The following NTN1 variants were observed in gnomAD, a reference collection of about 807,000 sequenced individuals.
The protein encoded by NTN1 is netrin 1.
A neutral mutation model predicts 54.2 loss-of-function variants in NTN1; 11 were observed. The observed-to-expected ratio is 0.20, with a 90% CI of 0.13 to 0.34. The LOEUF (loss-of-function observed/expected upper bound fraction) is 0.34. Ranked by LOEUF, NTN1 falls within the 10% of genes least tolerant of loss-of-function variation. The pLI is 1.00. For missense variants in NTN1, 740 were observed against 893.1 expected, an observed-to-expected ratio of 0.83 and a Z score of 2.18; for synonymous variants, 371 against 382.0, an observed-to-expected ratio of 0.97 and a Z score of 0.33.
At chr17:9,028,767 T>C (rs2091879559) in intron 2 of NTN1, among the ~76,000 whole-genome samples, 1 of 152,242 alleles carries the variant, frequency 6.6e-6, no homozygotes, top group Non-Finnish European at 1.5e-5. Flanking sequence ...TAGACTTTCA[T>C]GTTTACACTT....
chr17:9,120,650 T>C (rs1203465131), intron 2 of NTN1, among the ~76,000 whole-genome samples: 3 of 152,204 alleles, frequency 2.0e-5, no homozygotes, highest in Non-Finnish European at 4.4e-5. Context: ...ATCTGGATTC[T>C]GTTCATCTGC....
chr17:9,224,492 GC>G (rs1244236444), intron 6 of NTN1, among the ~76,000 whole-genome samples: 4 of 152,340 alleles, frequency 2.6e-5, no homozygotes, highest in Admixed American at 6.5e-5. Context: ...AAAGCAGGTA[GC>G]AGGGACAGCG....
intron 2 of NTN1, among the ~76,000 whole-genome samples, chr17:9,114,546 A>G (rs940234525): frequency 1.3e-5 from 2 of 151,968 alleles, no homozygotes; most frequent in African/African-American, 4.8e-5. Flanking sequence ...TGAGGTCAGG[A>G]GTTCGAGACC....
At chr17:9,218,010 G>C (rs1193774838) in intron 5 of NTN1, among the ~76,000 whole-genome samples, 1 of 152,182 alleles carries the variant, frequency 6.6e-6, no homozygotes, top group Non-Finnish European at 1.5e-5. Context: ...GCCACACTGG[G>C]TGCTCTGTGC....
intron 2 of NTN1, among the ~76,000 whole-genome samples, chr17:9,102,436 T>C (rs4791782): frequency 0.8 from 121,841 of 152,148 alleles, 49,369 homozygotes; most frequent in East Asian, 0.96. Flanking sequence ...AGGACCAGGA[T>C]TGGGGAAACT....
At chr17:9,217,336 G>T (rs981127162) in intron 5 of NTN1, among the ~76,000 whole-genome samples, 1 of 152,284 alleles carries the variant, frequency 6.6e-6, no homozygotes, top group Non-Finnish European at 1.5e-5. Context: ...TCCCAGCGTT[G>T]GGTCATCATC....
chr17:9,033,969 G>A (rs1242966108), intron 2 of NTN1, among the ~76,000 whole-genome samples: 2 of 151,594 alleles, frequency 1.3e-5, no homozygotes, highest in Non-Finnish European at 2.9e-5. Context: ...TAGTTACTTA[G>A]TTTTAAGTCA....
intron 5 of NTN1, among the ~76,000 whole-genome samples, chr17:9,202,934 T>C (rs1904844566): frequency 6.6e-6 from 1 of 152,146 alleles, no homozygotes; most frequent in East Asian, 1.9e-4. Context: ...TATTTTTTAT[T>C]TTTTTGAGAT....
At chr17:9,159,887 CACT>C (rs2092352634) in intron 2 of NTN1, among the ~76,000 whole-genome samples, 2 of 152,044 alleles carry the variant, frequency 1.3e-5, no homozygotes, top group Non-Finnish European at 2.9e-5. Flanking sequence ...GAGAAATTTG[CACT>C]ACAACAGTCA....
At chr17:9,201,582 A>G (rs1209815493) in intron 5 of NTN1, among the ~76,000 whole-genome samples, 2 of 152,196 alleles carry the variant, frequency 1.3e-5, no homozygotes, top group Admixed American at 1.3e-4. Flanking sequence ...TCTCACACAT[A>G]TGGCCTCCCT....
At chr17:9,137,067 C>T (rs115401653) in intron 2 of NTN1, among the ~76,000 whole-genome samples, 1 of 152,138 alleles carries the variant, frequency 6.6e-6, no homozygotes, top group Non-Finnish European at 1.5e-5. Context: ...CATTTTCTCC[C>T]CTCCTCCACA....
intron 2 of NTN1, among the ~76,000 whole-genome samples, chr17:9,044,585 CAT>C (rs1193667867): frequency 9.2e-5 from 14 of 152,212 alleles, no homozygotes; most frequent in African/African-American, 2.2e-4. Flanking sequence ...AGAATAATCT[CAT>C]GTGTATGTAA....
Position 9,221,157 on chromosome 17 carries a change from C to A in NTN1, c.1412-11C>A, listed in dbSNP as rs200867686. On this transcript the variant is annotated splice_polypyrimidine_tract_variant and intron_variant, in intron 5 of 6. Transcript: ENST00000173229. The surrounding 1 kb of genome is among the most constrained non-coding windows in gnomAD (Gnocchi z 4.5). ...AGTTTTTGTCTGTGCTCCCCCCCCA[C>A]CCCCCTGCAGACTGCGATTCCTACT... is the stretch of plus-strand genomic sequence containing the variant. The A allele has an allele frequency of 1.9e-3, 2,915 of 1,553,464 alleles. 43 individuals carry two copies. The African/African-American group carries it at 0.035, about 18-fold the overall frequency.
the NTN1 span, among the ~76,000 whole-genome samples, chr17:9,009,779 CT>C: frequency 2.6e-5 from 4 of 152,076 alleles, no homozygotes; most frequent in East Asian, 1.9e-4. Context: ...AAAATCATGA[CT>C]TTTTTCCCCC....
intron 2 of NTN1, among the ~76,000 whole-genome samples, chr17:9,068,405 G>A (rs553541499): frequency 4.6e-5 from 7 of 152,130 alleles, no homozygotes; most frequent in Admixed American, 3.9e-4. Flanking sequence ...GACTGGTCTC[G>A]AACTCCTAGG....
At chr17:9,013,303 G>A in the NTN1 span, among the ~76,000 whole-genome samples, 11 of 139,582 alleles carry the variant, frequency 7.9e-5, no homozygotes, top group East Asian at 2.1e-4. Context: ...TGCAACCTCC[G>A]CCTCCCAGGT....
intron 2 of NTN1, among the ~76,000 whole-genome samples, chr17:9,139,310 G>A (rs1035897060): frequency 4.6e-5 from 7 of 152,178 alleles, no homozygotes; most frequent in African/African-American, 9.7e-5. Flanking sequence ...CAGGCCTGAC[G>A]CCATGGGGGT....
intron 2 of NTN1, among the ~76,000 whole-genome samples, chr17:9,050,925 C>G (rs1296583460): frequency 6.6e-6 from 1 of 152,176 alleles, no homozygotes; most frequent in Non-Finnish European, 1.5e-5. Context: ...TGAGTCAGCT[C>G]CCAGTCTCCC....
At chr17:9,145,683 G>A (rs1484558882) in intron 2 of NTN1, among the ~76,000 whole-genome samples, 3 of 152,166 alleles carry the variant, frequency 2.0e-5, no homozygotes, top group African/African-American at 7.2e-5. Flanking sequence ...TTGGGAGGCC[G>A]AGGTGGGTGG....
Sources: allele counts gnomAD v4.1 joint callset (sites outside exome capture counted in the v4.1 genomes callset), GRCh38; gene constraint gnomAD v4.1.1; non-coding constraint Gnocchi (gnomAD v3.1); transcripts MANE v1.5; gene names NCBI Gene and HGNC (gene_info 2026-07-23, HGNC 2026-07-21).